PPARGC1A: variants seen among roughly 807,000 people sequenced by gnomAD.
PPARGC1A encodes the protein PPARG coactivator 1 alpha, also known as peroxisome proliferator-activated receptor gamma coactivator 1-alpha.
PPARGC1A carries 25 observed loss-of-function variants against 88.7 expected under a neutral mutation model. The observed-to-expected ratio is 0.28, with a 90% CI of 0.21 to 0.39. The LOEUF (loss-of-function observed/expected upper bound fraction) is 0.39, where lower values mean the gene tolerates loss of function less well. Ranked by LOEUF, PPARGC1A falls within the 10% of genes least tolerant of loss-of-function variation. The probability of loss-of-function intolerance (pLI) is 1.00; values close to 1 mark genes in which losing one functional copy is unlikely to be tolerated. For synonymous variants in PPARGC1A, 363 were observed against 355.6 expected, an observed-to-expected ratio of 1.02 and a Z score of -0.24; for missense variants, 880 against 968.7, an observed-to-expected ratio of 0.91 and a Z score of 1.22.
the PPARGC1A span, among the ~76,000 whole-genome samples, chr4:24,398,959 C>A: frequency 2.1e-4 from 32 of 152,288 alleles, no homozygotes; most frequent in African/African-American, 7.7e-4. Flanking sequence ...GCTAAAATAA[C>A]TCTCTTGGCC....
chr4:23,797,618 G>C (rs1473340315), intron 12 of PPARGC1A, among the ~76,000 whole-genome samples: 1 of 152,134 alleles, frequency 6.6e-6, no homozygotes, highest in Non-Finnish European at 1.5e-5. Flanking sequence ...TAAAAAAATT[G>C]TGAAATAGTA....
chr4:24,387,898 A>AAG, the PPARGC1A span, among the ~76,000 whole-genome samples: 2 of 48,110 alleles, frequency 4.2e-5, 1 homozygote, highest in Non-Finnish European at 8.5e-5. Flanking sequence ...AAGAAAGAAA[A>AAG]AGAAAGAGAA....
the PPARGC1A span, among the ~76,000 whole-genome samples, chr4:24,342,372 T>C: frequency 6.6e-6 from 1 of 152,168 alleles, no homozygotes; most frequent in Non-Finnish European, 1.5e-5. Context: ...CAATTACAAA[T>C]GAGAAAACTG....
the PPARGC1A span, among the ~76,000 whole-genome samples, chr4:23,969,398 C>A: frequency 1.3e-5 from 2 of 152,184 alleles, no homozygotes; most frequent in African/African-American, 4.8e-5. Flanking sequence ...GCCTTCCCAG[C>A]ATCACTAAAC....
chr4:24,032,947 C>A, the PPARGC1A span, among the ~76,000 whole-genome samples: 1 of 152,170 alleles, frequency 6.6e-6, no homozygotes, highest in African/African-American at 2.4e-5. Context: ...AAAAACCTTA[C>A]ACAAGATATA....
chr4:24,035,413 C>T, the PPARGC1A span, among the ~76,000 whole-genome samples: 29 of 151,716 alleles, frequency 1.9e-4, no homozygotes, highest in African/African-American at 6.8e-4. Context: ...TGGTGGTGTG[C>T]CCCTGTAGTC....
chr4:24,248,868 T>C, the PPARGC1A span, among the ~76,000 whole-genome samples: 1 of 152,164 alleles, frequency 6.6e-6, no homozygotes, highest in Non-Finnish European at 1.5e-5. Flanking sequence ...GGAATGCACA[T>C]GGCAAGCTCA....
chr4:24,389,322 T>C, the PPARGC1A span, among the ~76,000 whole-genome samples: 1 of 152,104 alleles, frequency 6.6e-6, no homozygotes, highest in Non-Finnish European at 1.5e-5. Flanking sequence ...TCCCCTCATA[T>C]AACAATAATT....
the PPARGC1A span, among the ~76,000 whole-genome samples, chr4:24,444,028 C>A: frequency 6.6e-6 from 1 of 151,954 alleles, no homozygotes; most frequent in African/African-American, 2.4e-5. Context: ...GTAATTTCGT[C>A]GTTGTTGTTG....
At chr4:24,016,535 C>T in the PPARGC1A span, among the ~76,000 whole-genome samples, 2 of 152,122 alleles carry the variant, frequency 1.3e-5, no homozygotes, top group East Asian at 3.8e-4. Flanking sequence ...AGGAGTGCCA[C>T]AGCCAGAGGG....
the PPARGC1A span, among the ~76,000 whole-genome samples, chr4:24,355,261 A>C: frequency 6.6e-5 from 10 of 152,232 alleles, no homozygotes; most frequent in Non-Finnish European, 8.8e-5. Flanking sequence ...CCACCTTATT[A>C]GTCAAGGGAC....
At chr4:24,388,356 T>C in the PPARGC1A span, among the ~76,000 whole-genome samples, 2 of 152,198 alleles carry the variant, frequency 1.3e-5, no homozygotes, top group Non-Finnish European at 2.9e-5. Context: ...ATAGGAACAC[T>C]TTTACATCGT....
chr4:23,895,966 GTGTGTGTGTGTGTGTA>G (rs1436872100), intron 1 of PPARGC1A, among the ~76,000 whole-genome samples: 24 of 90,232 alleles, frequency 2.7e-4, no homozygotes, highest in South Asian at 1.8e-3. Flanking sequence ...GTGTGTGTGT[GTGTGTGTGTGTGTGTA>G]TATATATATA....
the PPARGC1A span, among the ~76,000 whole-genome samples, chr4:24,383,511 C>A: frequency 2.2e-4 from 34 of 152,084 alleles, no homozygotes; most frequent in African/African-American, 7.7e-4. Context: ...ACTAGAATAA[C>A]CAGTTTAGAG....
the PPARGC1A span, among the ~76,000 whole-genome samples, chr4:24,253,996 C>G: frequency 6.6e-6 from 1 of 152,282 alleles, no homozygotes; most frequent in South Asian, 2.1e-4. Context: ...CTGCCAAACA[C>G]TGATTTAATA....
the PPARGC1A span, among the ~76,000 whole-genome samples, chr4:23,930,726 C>A: frequency 1.3e-5 from 2 of 152,128 alleles, no homozygotes; most frequent in Admixed American, 6.5e-5. Context: ...CTCAAAGGGA[C>A]AAACACATGC....
the PPARGC1A span, among the ~76,000 whole-genome samples, chr4:23,954,818 T>C: frequency 6.6e-6 from 1 of 152,028 alleles, no homozygotes; most frequent in African/African-American, 2.4e-5. Context: ...ACCAAGAAGA[T>C]ATTTACAGTA....
At chr4:24,421,464 T>C in the PPARGC1A span, among the ~76,000 whole-genome samples, 47,295 of 151,780 alleles carry the variant, frequency 0.31, 7,638 homozygotes, top group African/African-American at 0.33. Context: ...GCGCCCGCCA[T>C]CAAGTCCGGC....
chr4:24,348,525 T>G, the PPARGC1A span, among the ~76,000 whole-genome samples: 2,600 of 152,312 alleles, frequency 0.017, 67 homozygotes, highest in East Asian at 0.12. Context: ...TCTTTGTCTT[T>G]GTTGAATTAG....
Sources: gnomAD v4.1 joint callset for allele counts (sites outside exome capture counted in the v4.1 genomes callset) on GRCh38, gnomAD v4.1.1 for gene constraint, MANE v1.5 for transcripts, NCBI Gene and HGNC (gene_info 2026-07-23, HGNC 2026-07-21) for gene names.